HSPD1: variants seen among roughly 807,000 people sequenced by gnomAD.
The protein encoded by HSPD1 is heat shock protein family D (Hsp60) member 1.
A neutral mutation model predicts 53.0 loss-of-function variants in HSPD1; 3 were observed. That is an observed-to-expected ratio of 0.06 (90% CI 0.03 to 0.15). The LOEUF (loss-of-function observed/expected upper bound fraction) is 0.15. Among genes scored for constraint, HSPD1 ranks in the 10% least tolerant of loss-of-function variants. The pLI, the probability that HSPD1 is intolerant of heterozygous loss-of-function variation, is 1.00. For synonymous variants in HSPD1, 200 were observed against 228.0 expected (o/e 0.88, Z 1.10); for missense variants, 431 against 694.1 (o/e 0.62, Z 4.26).
chr2:197,494,867 G>A, intron 4 of HSPD1, 115 bp from the exon 5 acceptor site: 4 of 742,836 alleles, frequency 5.4e-6, no homozygotes, highest in Non-Finnish European at 9.9e-6. Flanking sequence ...GGGAGAGAAG[G>A]GGAATTTACG....
chr2:197,499,176 C>A (rs981686396), intron 1 of HSPD1: 17 of 418,760 alleles, frequency 4.1e-5, no homozygotes, highest in Non-Finnish European at 6.6e-5. Context: ...CCCACTCCAA[C>A]TGTGGCCCCT....
At chr2:197,494,134 T>G in intron 6 of HSPD1, 23 bp downstream of exon 6, 1 of 1,010,452 alleles carries the variant, frequency 9.9e-7, no homozygotes, top group Non-Finnish European at 1.6e-6. Context: ...ATAATAATAA[T>G]TCAGTTATTG....
chr2:197,496,743 C>A (rs968780630), intron 3 of HSPD1: 1 of 249,496 alleles, frequency 4.0e-6, no homozygotes, highest in Non-Finnish European at 8.0e-6. Context: ...TCTGAATGAT[C>A]CAGTGTATTT....
intron 1 of HSPD1, 171 bp from the exon 2 acceptor site, chr2:197,499,021 C>CT: frequency 1.4e-6 from 1 of 694,684 alleles, no homozygotes; most frequent in Non-Finnish European, 2.6e-6. Flanking sequence ...ACATCAGCCA[C>CT]TAGCGCAAGC....
rs768263367 is a variant in HSPD1 at position 197,487,980 on chromosome 2, C to T, written c.1447G>A (p.Ala483Thr). ...KIPAMTIAKN[A>T]GVEGSLIVEK... ...ACTATCAAAGATCCTTCAACACCTG[C>T]ATTCTTAGCAATGGTCATTGCTGGA... Residue 483 changes from alanine to threonine, a missense_variant, in exon 11 of 12, where the codon GCA becomes ACA. By Grantham distance (58) the Ala-to-Thr change is moderately conservative. Transcript: ENST00000388968. 1.2e-6 allele frequency: 2 copies of T among 1,613,006 alleles called. No individual in the cohort carries two copies. Among genetic ancestry groups the T allele is most frequent in the South Asian group, 2.2e-5 (2 of 91,022 alleles).
At chr2:197,499,942 C>G (rs1163821974), upstream of HSPD1, 1 of 155,336 alleles carries the variant, frequency 6.4e-6, no homozygotes, top group Non-Finnish European at 1.4e-5. Context: ...ACCCACTTCC[C>G]GTCAGCCCGG....
rs1191295489 is a variant in HSPD1, at chr2:197,488,865, A to G, written c.1215+137T>C. On this transcript the variant is annotated intron_variant, in intron 9 of 11. Transcript: ENST00000388968. ...CCTGGGTGACGAAGAGCTCAAAACA[A>G]AACAAACAAAATTCCACTATGAAGT... is the stretch of plus-strand genomic sequence containing the variant. The G allele has an allele frequency of 9.4e-6, 10 of 1,068,742 alleles. No individual in the cohort carries two copies. The Admixed American group carries it at 1.6e-4, about 17-fold the overall frequency. 66.2% of individuals were successfully genotyped at this position (1,068,742 alleles called of 1,614,324 possible). A position where few individuals can be genotyped will look rare whatever the true frequency, so the allele number is the denominator to read the frequency against.
At chr2:197,499,894 A>T (rs528611166), upstream of HSPD1, 1 of 152,850 alleles carries the variant, frequency 6.5e-6, no homozygotes, top group African/African-American at 2.4e-5. Context: ...CTCCGCCTCT[A>T]CTCCCGCCCC....
At chr2:197,488,792 C>T (rs941510776) in intron 9 of HSPD1, among the ~76,000 whole-genome samples, 1 of 152,194 alleles carries the variant, frequency 6.6e-6, no homozygotes, top group Non-Finnish European at 1.5e-5. Flanking sequence ...CGCTTGAACC[C>T]AAGAGGCGGA....
chr2:197,490,384 G>T (rs899042031), intron 7 of HSPD1, 88 bp from the exon 8 acceptor site: 1 of 994,452 alleles, frequency 1.0e-6, no homozygotes. Flanking sequence ...GATTACTTAG[G>T]ACTCCCTAAG....
At chr2:197,489,343 CTTTA>C (rs1559300803) in intron 8 of HSPD1, 96 bp from the exon 9 acceptor site, 15 of 1,259,836 alleles carry the variant, frequency 1.2e-5, no homozygotes. Flanking sequence ...CATCAAAATA[CTTTA>C]TTTCTTTGAA....
At chr2:197,492,540 T>A (rs375197297) in intron 7 of HSPD1, among the ~76,000 whole-genome samples, 1 of 151,916 alleles carries the variant, frequency 6.6e-6, no homozygotes, top group Non-Finnish European at 1.5e-5. Flanking sequence ...TGCAAAATAA[T>A]ATTCTGAAAA....
At chr2:197,495,490 T>TG (rs2086146693) in intron 3 of HSPD1, 114 bp from the exon 4 acceptor site, 2 of 280,576 alleles carry the variant, frequency 7.1e-6, no homozygotes, top group East Asian at 1.7e-4. Context: ...AAAAAAAAAA[T>TG]TTTTTTTTTT....
At chr2:197,488,607 A>C in intron 9 of HSPD1, 116 bp from the exon 10 acceptor site, 3 of 946,934 alleles carry the variant, frequency 3.2e-6, no homozygotes, top group South Asian at 1.3e-5. Flanking sequence ...GGTGGCTCAC[A>C]CCTGTAATCC....
intron 4 of HSPD1, 47 bp downstream of exon 4, chr2:197,495,247 T>C: frequency 1.9e-6 from 2 of 1,059,418 alleles, no homozygotes; most frequent in Non-Finnish European, 3.0e-6. Context: ...AAATCACACA[T>C]GCCATTAAAT....
chr2:197,492,671 A>T (rs1384289533), intron 7 of HSPD1, among the ~76,000 whole-genome samples: 2 of 152,090 alleles, frequency 1.3e-5, no homozygotes, highest in African/African-American at 2.4e-5. Flanking sequence ...ACTGCACTCC[A>T]GCCTGGGTGA....
chr2:197,489,041 T>C lies in HSPD1; in HGVS notation c.1176A>G (p.Glu392=). Residue 392 remains glutamate, a synonymous_variant, in exon 9 of 12, where the codon GAA becomes GAG. Coordinates refer to ENST00000388968, the MANE Select transcript of HSPD1 (RefSeq NM_002156.5). ...CTCCATCTGAAAGTTTTGCAAGCCG[T>C]TCATTCAGTTTTTCCTTTTCATATT... is the stretch of plus-strand genomic sequence containing the variant. ...TSEYEKEKLN[E]RLAKLSDGVA... is the part of the protein sequence containing the mutation. 6.2e-7 allele frequency: 1 copy of C among 1,613,926 alleles called. No homozygotes were observed. Among genetic ancestry groups the C allele is most frequent in the Non-Finnish European group, 8.5e-7 (1 of 1,179,816 alleles).
chr2:197,490,373 A>G (rs1165793823), intron 7 of HSPD1, 77 bp from the exon 8 acceptor site: 23 of 1,133,466 alleles, frequency 2.0e-5, no homozygotes, highest in Non-Finnish European at 1.3e-6. Context: ...AGCTGTTACT[A>G]GATTACTTAG....
intron 4 of HSPD1, 166 bp downstream of exon 4, chr2:197,495,128 T>C (rs2086141729): frequency 1.6e-6 from 1 of 643,646 alleles, no homozygotes; most frequent in African/African-American, 1.8e-5. Flanking sequence ...ATGACAACCA[T>C]TATGGTCATA....
Sources: allele counts gnomAD v4.1 joint callset (sites outside exome capture counted in the v4.1 genomes callset), GRCh38; gene constraint gnomAD v4.1.1; transcripts MANE v1.5; gene names NCBI Gene and HGNC (gene_info 2026-07-23, HGNC 2026-07-21).